Variants in GALNT2 observed in about 807,000 individuals in gnomAD.
The protein encoded by GALNT2 is UDP-GalNAc:polypeptide N-acetylgalactosaminyltransferase 2.
A neutral mutation model predicts 81.4 loss-of-function variants in GALNT2; 31 were observed. That is an observed-to-expected ratio of 0.38 (90% CI 0.29 to 0.51). GALNT2 has a LOEUF of 0.51. Among genes scored for constraint, GALNT2 ranks in the 20% least tolerant of loss-of-function variants. The pLI is 0.87. For synonymous variants in GALNT2, 303 were observed against 287.4 expected (o/e 1.05, Z -0.55); for missense variants, 629 against 765.7 (o/e 0.82, Z 2.11).
In GALNT2 at chr1:230,107,960, C is replaced by T. The variant is rs150864336; in HGVS notation, c.126+40554C>T. 3.0e-3 allele frequency among the ~76,000 whole-genome samples: 460 copies of T among 152,280 alleles called. 2 individuals are homozygous for T. Among genetic ancestry groups the T allele is most frequent in the African/African-American group, 0.011 (447 of 41,530 alleles). The stretch of plus-strand genomic sequence containing the variant: ...GCACATCTGGATCCCCATTTCTGTG[C>T]GGGTGCAGACAGGTGAATGTTACCT... On this transcript the variant is annotated intron_variant, in intron 1 of 15. Coordinates refer to ENST00000366672, the MANE Select transcript of GALNT2 (RefSeq NM_004481.5).
At chr1:230,076,113 G>T (rs531513554) in intron 1 of GALNT2, among the ~76,000 whole-genome samples, 1 of 152,304 alleles carries the variant, frequency 6.6e-6, no homozygotes, top group South Asian at 2.1e-4. Flanking sequence ...CTGGTTAAAA[G>T]GTTGTGTGTA....
At position 230,153,435 on chromosome 1, in the gene GALNT2, G is replaced by A. The variant is rs979963197; in HGVS notation, c.127-24783G>A. On this transcript the variant is annotated intron_variant, in intron 1 of 15. Coordinates refer to ENST00000366672, the MANE Select transcript of GALNT2 (RefSeq NM_004481.5). Reference sequence around the variant, plus strand: ...TTCAACATTTTAAGGGTCTCTTTGCGTTTTTAGTTTTATTTTTAATCACAG... The same window carrying A: ...TTCAACATTTTAAGGGTCTCTTTGCATTTTTAGTTTTATTTTTAATCACAG... Among the ~76,000 whole-genome samples, 9 of 152,178 alleles carry A rather than the reference G, an allele frequency of 5.9e-5. No individual in the cohort carries two copies. The South Asian group carries it at 1.0e-3, about 18-fold the overall frequency.
chr1:230,075,391 G>T (rs1346805485), intron 1 of GALNT2, among the ~76,000 whole-genome samples: 1 of 152,098 alleles, frequency 6.6e-6, no homozygotes, highest in Non-Finnish European at 1.5e-5. Context: ...AAAGTGCTGG[G>T]ATTACAGGCG....
chr1:230,216,167 C>G (rs1056814649), intron 3 of GALNT2, among the ~76,000 whole-genome samples: 35 of 152,188 alleles, frequency 2.3e-4, no homozygotes, highest in African/African-American at 8.2e-4. Context: ...CTTCAACTAT[C>G]CATTTAAAAC....
chr1:230,159,533 C>T (rs1222167878), intron 1 of GALNT2, among the ~76,000 whole-genome samples: 1 of 152,180 alleles, frequency 6.6e-6, no homozygotes, highest in East Asian at 1.9e-4. Flanking sequence ...ATACTTTTCT[C>T]AGAGGGGAGG....
intron 1 of GALNT2, among the ~76,000 whole-genome samples, chr1:230,174,233 C>T (rs757809676): frequency 1.3e-5 from 2 of 152,128 alleles, no homozygotes; most frequent in African/African-American, 2.4e-5. Context: ...GCTCTGGCTC[C>T]GAGGCCAGTG....
At chr1:230,252,519 T>A (rs1157580918) in intron 10 of GALNT2, among the ~76,000 whole-genome samples, 2 of 152,194 alleles carry the variant, frequency 1.3e-5, no homozygotes, top group African/African-American at 2.4e-5. Context: ...TTGTGCTTTC[T>A]TAACGGAGTG....
At chr1:230,185,824 TC>T (rs573704178) in intron 2 of GALNT2, among the ~76,000 whole-genome samples, 22 of 152,280 alleles carry the variant, frequency 1.4e-4, no homozygotes, top group African/African-American at 4.6e-4. Context: ...CATGACTGGG[TC>T]CCCCTGGAGT....
At chr1:230,176,229 G>A (rs1662974939) in intron 1 of GALNT2, among the ~76,000 whole-genome samples, 1 of 152,004 alleles carries the variant, frequency 6.6e-6, no homozygotes, top group Admixed American at 6.6e-5. Flanking sequence ...AAGAAGGGAG[G>A]GTGAGGAGTG....
At chr1:230,234,555 C>G (rs956059331) in intron 3 of GALNT2, among the ~76,000 whole-genome samples, 1 of 152,190 alleles carries the variant, frequency 6.6e-6, no homozygotes, top group South Asian at 2.1e-4. Flanking sequence ...GCCTCACAGG[C>G]AAGACTGTTC....
At chr1:230,180,582 A>C (rs1323168197) in intron 2 of GALNT2, among the ~76,000 whole-genome samples, 3 of 152,118 alleles carry the variant, frequency 2.0e-5, no homozygotes, top group Non-Finnish European at 4.4e-5. Context: ...AGTTTTAGCT[A>C]TTCCAGATCT....
intron 3 of GALNT2, among the ~76,000 whole-genome samples, chr1:230,224,922 A>C (rs1664661375): frequency 6.6e-6 from 1 of 152,280 alleles, no homozygotes; most frequent in South Asian, 2.1e-4. Context: ...GGTATTCAAG[A>C]AAGCTATTTT....
chr1:230,099,583 A>G (rs541399597), intron 1 of GALNT2, among the ~76,000 whole-genome samples: 122 of 152,346 alleles, frequency 8.0e-4, no homozygotes, highest in African/African-American at 2.7e-3. Flanking sequence ...TGAGGGTAGC[A>G]TATGCTCCAT....
chr1:230,250,434 C>G, intron 9 of GALNT2, 23 bp from the exon 10 acceptor site: 1 of 1,592,686 alleles, frequency 6.3e-7, no homozygotes. Flanking sequence ...CCTCCCTCCC[C>G]CCTCTTCTTT....
At chr1:230,248,428 C>T (rs1287397782) in intron 8 of GALNT2, among the ~76,000 whole-genome samples, 2 of 152,192 alleles carry the variant, frequency 1.3e-5, no homozygotes, top group African/African-American at 4.8e-5. Context: ...AGGACAGCTT[C>T]CGCAGGTGGA....
intron 6 of GALNT2, among the ~76,000 whole-genome samples, chr1:230,240,228 C>G (rs1665157527): frequency 6.6e-6 from 1 of 152,010 alleles, no homozygotes; most frequent in African/African-American, 2.4e-5. Flanking sequence ...TTTTTTTCTC[C>G]TTTGTTATTG....
intron 1 of GALNT2, among the ~76,000 whole-genome samples, chr1:230,118,388 G>T (rs1185222944): frequency 1.3e-5 from 2 of 152,250 alleles, no homozygotes; most frequent in African/African-American, 4.8e-5. Context: ...TCACTGGACT[G>T]TATAGAAAGT....
chr1:230,157,192 T>A lies in GALNT2; in HGVS notation c.127-21026T>A, dbSNP rs370219377. On this transcript the variant is annotated intron_variant, in intron 1 of 15. Coordinates refer to ENST00000366672, the MANE Select transcript of GALNT2 (RefSeq NM_004481.5). Reference sequence around the variant, plus strand: ...TTGGAACTTACTGTGTAGTATTGAGTGAGCATTAATTGAGATGTGTGTGAA... The same window carrying A: ...TTGGAACTTACTGTGTAGTATTGAGAGAGCATTAATTGAGATGTGTGTGAA... 2.6e-5 allele frequency among the ~76,000 whole-genome samples: 4 copies of A among 152,138 alleles called. No individual in the cohort carries two copies. The South Asian group carries it at 6.2e-4, about 24-fold the overall frequency.
At chr1:230,247,661 C>T (rs757774126) in intron 8 of GALNT2, among the ~76,000 whole-genome samples, 18 of 152,288 alleles carry the variant, frequency 1.2e-4, no homozygotes, top group Admixed American at 3.9e-4. Flanking sequence ...TCTCCCAAAG[C>T]AGCTGCGTAT....
Sources: gnomAD v4.1 joint callset for allele counts (sites outside exome capture counted in the v4.1 genomes callset) on GRCh38, gnomAD v4.1.1 for gene constraint, MANE v1.5 for transcripts, NCBI Gene and HGNC (gene_info 2026-07-23, HGNC 2026-07-21) for gene names.